Variants in KREMEN1 observed in about 807,000 individuals in gnomAD.
KREMEN1 encodes kremen protein 1.
A neutral mutation model predicts 46.5 loss-of-function variants in KREMEN1; 30 were observed. The observed-to-expected ratio is 0.65, with a 90% CI of 0.48 to 0.88. The LOEUF is 0.88. Ranked by LOEUF, KREMEN1 falls within the 40% of genes least tolerant of loss-of-function variation. KREMEN1 has a pLI of 0.00. For missense variants in KREMEN1, 533 were observed against 596.9 expected (o/e 0.89, Z 1.11); for synonymous variants, 214 against 230.6 (o/e 0.93, Z 0.65).
At chr22:29,135,007 C>G (rs1402457101) in intron 5 of KREMEN1, among the ~76,000 whole-genome samples, 1 of 152,166 alleles carries the variant, frequency 6.6e-6, no homozygotes, top group Non-Finnish European at 1.5e-5. Context: ...CAGTCTTAGA[C>G]AGGATGTGTA....
At chr22:29,141,917 T>C (rs2038768079) in intron 8 of KREMEN1, 27 bp from the exon 9 acceptor site, 1 of 1,539,188 alleles carries the variant, frequency 6.5e-7, no homozygotes, top group Non-Finnish European at 8.8e-7. Context: ...TCTAATCTAT[T>C]GGAAAAAATA....
intron 8 of KREMEN1, among the ~76,000 whole-genome samples, chr22:29,141,237 G>GTA (rs1331430666): frequency 1.3e-5 from 2 of 150,530 alleles, no homozygotes; most frequent in Non-Finnish European, 3.0e-5. Context: ...GTGTGTGTGT[G>GTA]TGTGTGTGTG....
intron 1 of KREMEN1, among the ~76,000 whole-genome samples, chr22:29,075,690 C>G (rs1251544947): frequency 1.3e-5 from 2 of 152,038 alleles, no homozygotes; most frequent in Non-Finnish European, 2.9e-5. Context: ...TAAAATCCTT[C>G]CCAATAAAAC....
intron 9 of KREMEN1, among the ~76,000 whole-genome samples, chr22:29,157,227 T>C (rs1267809505): frequency 2.0e-5 from 3 of 152,228 alleles, no homozygotes; most frequent in African/African-American, 7.2e-5. Context: ...AGCTGAGAGC[T>C]GTCCCCTGGA....
At chr22:29,136,565 A>T (rs2038660908) in intron 5 of KREMEN1, among the ~76,000 whole-genome samples, 1 of 136,196 alleles carries the variant, frequency 7.3e-6, no homozygotes, top group African/African-American at 2.8e-5. Context: ...ACAGACGGAG[A>T]CTCCTTCTCA....
chr22:29,117,806 C>T (rs1254925767), intron 3 of KREMEN1, among the ~76,000 whole-genome samples: 3 of 152,170 alleles, frequency 2.0e-5, no homozygotes, highest in Admixed American at 6.5e-5. Context: ...AGAGATTCAT[C>T]GTCCATGACC....
In KREMEN1 at chr22:29,137,689, C is replaced by T; in HGVS notation, c.964+15C>T. 6.4e-7 allele frequency: 1 copy of T among 1,569,598 alleles called. No individual in the cohort carries two copies. Among genetic ancestry groups the T allele is most frequent in the Non-Finnish European group, 8.7e-7 (1 of 1,146,806 alleles). On this transcript the variant is annotated intron_variant, in intron 6 of 8. Transcript: ENST00000400335. ...TTTATACCAAGGTAAGACATCTTTG[C>T]CTCCTTGGGGGTTCTTCAGGGCCCA...
chr22:29,167,236 G>A (rs2039060520), exon 10 of KREMEN1: 8 of 753,802 alleles, frequency 1.1e-5, no homozygotes, highest in Middle Eastern at 3.3e-4. Flanking sequence ...GTTCATGCCT[G>A]TAATACCAGC....
Position 29,121,746 on chromosome 22 carries a change from T to C in KREMEN1, c.477+265T>C, listed in dbSNP as rs888340127. Among the ~76,000 whole-genome samples, 36 of 152,334 alleles carry C rather than the reference T, an allele frequency of 2.4e-4. No homozygotes were observed. The South Asian group carries it at 2.5e-3, about 11-fold the overall frequency. ...TTTCTTTTCTGGGTTATGAATGTTC[T>C]GGAATTAGATGGCAGTGACTGCACA... is the stretch of plus-strand genomic sequence containing the variant. On this transcript the variant is annotated intron_variant, in intron 4 of 8. Transcript: ENST00000400335.
chr22:29,114,486 CAAAAAAA>C (rs134685), intron 3 of KREMEN1, among the ~76,000 whole-genome samples: 1 of 88,078 alleles, frequency 1.1e-5, no homozygotes, highest in Non-Finnish European at 2.1e-5. Flanking sequence ...AACTCCGTGT[CAAAAAAA>C]AAAAAAAAAA....
chr22:29,120,086 G>C lies in KREMEN1; in HGVS notation c.353-1271G>C, dbSNP rs1335734773. On this transcript the variant is annotated intron_variant, in intron 3 of 8. Transcript: ENST00000400335. Reference sequence around the variant, plus strand: ...GGAGGGAGAGGTGATGAAGGAAATGGAGGAGGGAGAGGTGATGAAGGAAAT... The same window carrying C: ...GGAGGGAGAGGTGATGAAGGAAATGCAGGAGGGAGAGGTGATGAAGGAAAT... Among the ~76,000 whole-genome samples, 102 of 124,346 alleles carry C rather than the reference G, an allele frequency of 8.2e-4. 10 individuals carry two copies. The highest frequency in any genetic ancestry group is 2.5e-3 in the African/African-American group (82 of 33,264). The allele number at this position is 124,346 out of a possible 152,430, so 81.6% of individuals were successfully genotyped here. A position where few individuals can be genotyped will look rare whatever the true frequency, so the allele number is the denominator to read the frequency against.
At chr22:29,099,020 C>A in intron 3 of KREMEN1, 67 bp downstream of exon 3, 2 of 1,220,508 alleles carry the variant, frequency 1.6e-6, no homozygotes, top group Non-Finnish European at 2.4e-6. Flanking sequence ...TAGAGGGAGG[C>A]CCCTGCCAGA....
At chr22:29,111,310 T>TAAA (rs750795996) in intron 3 of KREMEN1, among the ~76,000 whole-genome samples, 2 of 117,558 alleles carry the variant, frequency 1.7e-5, no homozygotes, top group Non-Finnish European at 1.8e-5. Context: ...CTGTCTCTAT[T>TAAA]AAAAAAAAAA....
intron 1 of KREMEN1, among the ~76,000 whole-genome samples, chr22:29,093,184 G>A (rs182822217): frequency 3.6e-3 from 548 of 152,230 alleles, no homozygotes; most frequent in Non-Finnish European, 6.4e-3. Context: ...TTGTTCACAC[G>A]CTTAGACTGG....
exon 10 of KREMEN1, chr22:29,167,226 G>T: frequency 1.2e-6 from 1 of 820,378 alleles, no homozygotes; most frequent in Non-Finnish European, 2.0e-6. Flanking sequence ...CAGCGTGGTG[G>T]TTCATGCCTG....
chr22:29,141,299 CTG>C (rs59151956), intron 8 of KREMEN1, among the ~76,000 whole-genome samples: 4 of 146,046 alleles, frequency 2.7e-5, no homozygotes, highest in Non-Finnish European at 6.0e-5. Flanking sequence ...GTGTGTGTGT[CTG>C]TGTGTGTGTG....
At position 29,143,690 on chromosome 22, in the gene KREMEN1, A is replaced by C. The variant is rs370591756; in HGVS notation, c.*1578A>C. 245 of 897,430 alleles carry C rather than the reference A, an allele frequency of 2.7e-4. No homozygotes were observed. The African/African-American group carries it at 3.2e-3, about 12-fold the overall frequency. The allele number at this position is 897,430 out of a possible 1,614,324, so 55.6% of individuals were successfully genotyped here. A position where few individuals can be genotyped will look rare whatever the true frequency, so the allele number is the denominator to read the frequency against. The stretch of plus-strand genomic sequence containing the variant: ...CCGGGAGGCGGAGCTTGCAGTGAGC[A>C]GAGATCACGCCACTGCACTCCAGCC... On this transcript the variant is annotated 3_prime_UTR_variant, in exon 9 of 9. Transcript: ENST00000400335.
At chr22:29,167,432 A>G in exon 10 of KREMEN1, 1 of 270,510 alleles carries the variant, frequency 3.7e-6, no homozygotes, top group Non-Finnish European at 7.1e-6. Context: ...CACTTGAGGC[A>G]GGACCGAGAG....
intron 5 of KREMEN1, among the ~76,000 whole-genome samples, chr22:29,130,325 G>A (rs1305168199): frequency 6.6e-6 from 1 of 152,200 alleles, no homozygotes; most frequent in African/African-American, 2.4e-5. Context: ...GTAGGATCTG[G>A]CTCCTGGGAC....
Sources: gnomAD v4.1 joint callset for allele counts (sites outside exome capture counted in the v4.1 genomes callset) on GRCh38, gnomAD v4.1.1 for gene constraint, MANE v1.5 for transcripts, NCBI Gene and HGNC (gene_info 2026-07-23, HGNC 2026-07-21) for gene names.